The following ZBTB7C variants were observed in gnomAD, a reference collection of about 807,000 sequenced individuals.
ZBTB7C encodes the protein zinc finger and BTB domain-containing protein 7C.
Under a neutral mutation model 25.7 loss-of-function variants are expected in ZBTB7C, and 8 were observed. The observed-to-expected ratio is 0.31, with a 90% CI of 0.18 to 0.56. ZBTB7C has a LOEUF of 0.56. ZBTB7C is among the 20% of genes least tolerant of loss of function. The pLI, the probability that ZBTB7C is intolerant of heterozygous loss-of-function variation, is 0.91. For missense variants in ZBTB7C, 824 were observed against 855.2 expected, an observed-to-expected ratio of 0.96 and a Z score of 0.46; for synonymous variants, 394 against 369.0, an observed-to-expected ratio of 1.07 and a Z score of -0.78.
At chr18:48,350,831 C>T (rs1199567131) in intron 1 of ZBTB7C, among the ~76,000 whole-genome samples, 1 of 152,026 alleles carries the variant, frequency 6.6e-6, no homozygotes, top group African/African-American at 2.4e-5. Flanking sequence ...ATCATAACAC[C>T]CTTGAGATTG....
In ZBTB7C at chr18:48,040,583, T is replaced by A. The variant is rs1300295631; in HGVS notation, c.525A>T (p.Glu175Asp). The stretch of plus-strand genomic sequence containing the variant: ...TGATGTCCTGGGGGTCAGGCAAGTT[T>A]TCTTGGTCAGCAAAGTCCTCCGTGT... Reference protein sequence around the residue: ...DDDTEDFADQENLPDPQDISC... With the variant: ...DDDTEDFADQDNLPDPQDISC... Residue 175 changes from glutamate (E) to aspartate (D), a missense_variant, in exon 4 of 5, where the codon GAA (glutamate) becomes GAT (aspartate). Physicochemically the swap from Glu to Asp is conservative, Grantham distance 45 (BLOSUM62 2). Transcript: ENST00000590800. 2 of 1,613,802 alleles carry A rather than the reference T, an allele frequency of 1.2e-6. No homozygotes were observed. The highest frequency in any genetic ancestry group is 2.7e-5 in the African/African-American group (2 of 74,854).
intron 2 of ZBTB7C, among the ~76,000 whole-genome samples, chr18:48,262,787 G>A (rs1231228150): frequency 6.6e-6 from 1 of 152,094 alleles, no homozygotes; most frequent in African/African-American, 2.4e-5. Context: ...TGGCCAGATG[G>A]GGCAGTTTCA....
chr18:48,199,601 T>C (rs1043367466), intron 2 of ZBTB7C, among the ~76,000 whole-genome samples: 1 of 152,106 alleles, frequency 6.6e-6, no homozygotes, highest in Non-Finnish European at 1.5e-5. Flanking sequence ...TCGAGCTCTT[T>C]TTCTGTTGTT....
At chr18:48,201,460 T>C (rs2042445400) in intron 2 of ZBTB7C, among the ~76,000 whole-genome samples, 1 of 152,134 alleles carries the variant, frequency 6.6e-6, no homozygotes, top group Admixed American at 6.5e-5. Flanking sequence ...GCTCTGGCCC[T>C]GCCTAGCACA....
At chr18:48,214,007 G>C (rs990265037) in intron 2 of ZBTB7C, among the ~76,000 whole-genome samples, 3 of 152,238 alleles carry the variant, frequency 2.0e-5, no homozygotes, top group Non-Finnish European at 2.9e-5. Flanking sequence ...CTTGCGGTGA[G>C]AGCGGACACC....
At chr18:48,177,711 C>T (rs1002005119) in intron 3 of ZBTB7C, among the ~76,000 whole-genome samples, 2 of 152,076 alleles carry the variant, frequency 1.3e-5, no homozygotes, top group African/African-American at 4.8e-5. Context: ...GGGGCCAAGG[C>T]CTGTGCTGTT....
intron 2 of ZBTB7C, among the ~76,000 whole-genome samples, chr18:48,293,382 A>C (rs1306578816): frequency 6.6e-6 from 1 of 152,172 alleles, no homozygotes; most frequent in Non-Finnish European, 1.5e-5. Flanking sequence ...CTCCATCCCC[A>C]AATATCATCA....
At chr18:48,124,120 G>T (rs1014941608) in intron 3 of ZBTB7C, among the ~76,000 whole-genome samples, 2 of 152,200 alleles carry the variant, frequency 1.3e-5, no homozygotes, top group Admixed American at 1.3e-4. Flanking sequence ...CTCCAGGCAG[G>T]CTGGGCCCCT....
At chr18:48,086,189 A>G (rs558721091) in intron 3 of ZBTB7C, among the ~76,000 whole-genome samples, 1 of 152,354 alleles carries the variant, frequency 6.6e-6, no homozygotes, top group East Asian at 1.9e-4. Flanking sequence ...AACCACAGGA[A>G]GAAATCACCA....
At chr18:48,182,795 C>T (rs2041961034) in intron 3 of ZBTB7C, among the ~76,000 whole-genome samples, 1 of 152,204 alleles carries the variant, frequency 6.6e-6, no homozygotes, top group South Asian at 2.1e-4. Context: ...ACAGAATACA[C>T]AATATGCAAA....
At chr18:48,222,068 AC>A (rs2042977750) in intron 2 of ZBTB7C, among the ~76,000 whole-genome samples, 1 of 140,198 alleles carries the variant, frequency 7.1e-6, no homozygotes, top group Non-Finnish European at 1.6e-5. Context: ...CTGTTCCTAG[AC>A]CCCCTCTATA....
intron 1 of ZBTB7C, among the ~76,000 whole-genome samples, chr18:48,372,911 C>A (rs928209708): frequency 2.1e-4 from 32 of 152,266 alleles, no homozygotes; most frequent in African/African-American, 7.5e-4. Context: ...CAATACCCAG[C>A]TTACATGTCT....
At chr18:48,059,839 G>A (rs1386402938) in intron 3 of ZBTB7C, among the ~76,000 whole-genome samples, 1 of 152,058 alleles carries the variant, frequency 6.6e-6, no homozygotes, top group Non-Finnish European at 1.5e-5. Context: ...TCTCTCCCCA[G>A]CTGCCTCCTG....
chr18:48,073,403 T>A (rs1387913198), intron 3 of ZBTB7C, among the ~76,000 whole-genome samples: 1 of 151,878 alleles, frequency 6.6e-6, no homozygotes, highest in Non-Finnish European at 1.5e-5. Flanking sequence ...CCAGCCTGAG[T>A]CACCCTGGCG....
chr18:48,295,350 T>C (rs1392027866), intron 2 of ZBTB7C, among the ~76,000 whole-genome samples: 2 of 152,144 alleles, frequency 1.3e-5, no homozygotes, highest in African/African-American at 4.8e-5. Context: ...CAGATGATGT[T>C]TCTAGCTTAC....
At chr18:48,403,806 TTC>T (rs1225410686) in intron 1 of ZBTB7C, among the ~76,000 whole-genome samples, 1 of 152,076 alleles carries the variant, frequency 6.6e-6, no homozygotes, top group Non-Finnish European at 1.5e-5. Flanking sequence ...ATACCACCTG[TTC>T]CCCAAAAACC....
chr18:48,180,008 T>C (rs1259945376), intron 3 of ZBTB7C, among the ~76,000 whole-genome samples: 1 of 133,040 alleles, frequency 7.5e-6, no homozygotes, highest in East Asian at 2.6e-4. Context: ...ACAAGGAAGA[T>C]ATTTCCCCTT....
At chr18:48,303,056 C>G (rs1205507314) in intron 2 of ZBTB7C, among the ~76,000 whole-genome samples, 1 of 152,232 alleles carries the variant, frequency 6.6e-6, no homozygotes, top group Non-Finnish European at 1.5e-5. Flanking sequence ...CCCTCGCTTC[C>G]CTATTACTGG....
intron 3 of ZBTB7C, among the ~76,000 whole-genome samples, chr18:48,117,034 C>T (rs969728590): frequency 5.3e-5 from 8 of 152,062 alleles, no homozygotes; most frequent in East Asian, 1.9e-4. Flanking sequence ...TTTACCTCTC[C>T]GGAGGTTCCA....
Sources: allele counts gnomAD v4.1 joint callset (sites outside exome capture counted in the v4.1 genomes callset), GRCh38; gene constraint gnomAD v4.1.1; transcripts MANE v1.5; gene names NCBI Gene and HGNC (gene_info 2026-07-23, HGNC 2026-07-21).